The following ZNF814 variants were observed in gnomAD, a reference collection of about 807,000 sequenced individuals.
ZNF814 encodes the protein zinc finger protein 814.
Under a neutral mutation model 7.5 loss-of-function variants are expected in ZNF814, and 5 were observed. That is an observed-to-expected ratio of 0.67 (90% CI 0.35 to 1.40). The LOEUF (loss-of-function observed/expected upper bound fraction) is 1.40, where lower values mean the gene tolerates loss of function less well. Among genes scored for constraint, ZNF814 ranks in the 40% most tolerant of loss-of-function variants. ZNF814 has a pLI of 0.04. For missense variants in ZNF814, 962 were observed against 1,018.0 expected (o/e 0.94, Z 0.75); for synonymous variants, 315 against 340.7 (o/e 0.92, Z 0.83).
At chr19:57,895,965 G>C in the ZNF814 span, among the ~76,000 whole-genome samples, 14 of 152,266 alleles carry the variant, frequency 9.2e-5, 1 homozygote, top group Middle Eastern at 0.01. Context: ...GGAGGAATGC[G>C]TCCACCCTAG....
intron 1 of ZNF814, among the ~76,000 whole-genome samples, chr19:57,877,721 A>G (rs2071617579): frequency 1.3e-5 from 2 of 152,152 alleles, no homozygotes; most frequent in Admixed American, 1.3e-4. Context: ...AACTACAGGC[A>G]TGAGGCACCG....
Position 57,875,051 on chromosome 19 carries a change from T to C in ZNF814, c.339A>G (p.Thr113=). Residue 113 remains threonine, a synonymous_variant, in exon 3 of 3, where the codon ACA becomes ACG. Transcript: ENST00000435989. ...DILHVADHQG[T]HHKQKLHRCE... is the part of the protein sequence containing the mutation. ...ACCTGTGCAGTTTCTGCTTGTGATGTGTTCCCTGATGATCTGCCACATGCA... is the reference window on the plus strand; with the variant it reads ...ACCTGTGCAGTTTCTGCTTGTGATGCGTTCCCTGATGATCTGCCACATGCA... The C allele has an allele frequency of 6.3e-7, 1 of 1,596,908 alleles. No homozygotes were observed. The highest frequency in any genetic ancestry group is 8.6e-7 in the Non-Finnish European group (1 of 1,168,620).
At chr19:57,900,895 T>G in the ZNF814 span, among the ~76,000 whole-genome samples, 4 of 126,440 alleles carry the variant, frequency 3.2e-5, no homozygotes, top group Admixed American at 9.2e-5. Flanking sequence ...TCGCCCAGGC[T>G]GGAGTGCAGT....
chr19:57,871,880 T>C lies in ZNF814; in HGVS notation c.*942A>G, dbSNP rs1338979439. Among the ~76,000 whole-genome samples, 1 of 143,138 alleles carries C rather than the reference T, an allele frequency of 7.0e-6. No homozygotes were observed. The highest frequency in any genetic ancestry group is 1.5e-5 in the Non-Finnish European group (1 of 66,074). 93.9% of individuals were successfully genotyped at this position (143,138 alleles called of 152,430 possible). ...ATCCCAGCATGTTTGGAGGCCAAGG[T>C]GGAAGGATCGCTTGAGCCAGGAGTT... On this transcript the variant is annotated 3_prime_UTR_variant, in exon 3 of 3. Coordinates refer to ENST00000435989, the MANE Select transcript of ZNF814 (RefSeq NM_001144989.2).
upstream of ZNF814, among the ~76,000 whole-genome samples, chr19:57,891,945 G>A (rs776796800): frequency 3.3e-5 from 5 of 152,084 alleles, no homozygotes; most frequent in South Asian, 2.1e-4. Flanking sequence ...GTATAAACAC[G>A]GTTTCACTAT....
the ZNF814 span, among the ~76,000 whole-genome samples, chr19:57,902,189 TAG>T: frequency 6.6e-6 from 1 of 152,066 alleles, no homozygotes; most frequent in Non-Finnish European, 1.5e-5. Context: ...GTAAACAAAA[TAG>T]AGTTTGGTTT....
the ZNF814 span, among the ~76,000 whole-genome samples, chr19:57,894,380 A>G: frequency 6.7e-6 from 1 of 150,372 alleles, no homozygotes; most frequent in Non-Finnish European, 1.5e-5. Context: ...AAAAAAAAAG[A>G]AGCCGATTTG....
At chr19:57,902,733 C>T in the ZNF814 span, among the ~76,000 whole-genome samples, 1 of 151,640 alleles carries the variant, frequency 6.6e-6, no homozygotes, top group Non-Finnish European at 1.5e-5. Context: ...TGATCTAGGC[C>T]CACTGCACGC....
the ZNF814 span, among the ~76,000 whole-genome samples, chr19:57,897,073 C>G: frequency 2.6e-5 from 4 of 152,152 alleles, no homozygotes; most frequent in African/African-American, 9.7e-5. Context: ...TTCTGTCTGA[C>G]AAGGACCTAA....
upstream of ZNF814, among the ~76,000 whole-genome samples, chr19:57,890,129 G>T (rs1168078277): frequency 6.6e-6 from 1 of 152,162 alleles, no homozygotes; most frequent in Non-Finnish European, 1.5e-5. Context: ...TTAATGCAAA[G>T]ATTAATAACC....
At chr19:57,899,220 C>A in the ZNF814 span, among the ~76,000 whole-genome samples, 4,177 of 152,250 alleles carry the variant, frequency 0.027, 183 homozygotes, top group African/African-American at 0.096. Flanking sequence ...AGTAGTCCAA[C>A]TATTTGTCAA....
chr19:57,872,631 G>T lies in ZNF814; in HGVS notation c.*191C>A. 1 of 1,428,068 alleles carries T rather than the reference G, an allele frequency of 7.0e-7. No homozygotes were observed. Among genetic ancestry groups the T allele is most frequent in the Non-Finnish European group, 9.7e-7 (1 of 1,035,588 alleles). The allele number at this position is 1,428,068 out of a possible 1,614,324, so 88.5% of individuals were successfully genotyped here. On this transcript the variant is annotated 3_prime_UTR_variant, in exon 3 of 3. Transcript: ENST00000435989. ...TAATGAGACTGAAAGTTTCAGCAAA[G>T]GATTTCCCACATTCACTGCACTCAT...
At chr19:57,878,233 G>A (rs569380704) in intron 1 of ZNF814, among the ~76,000 whole-genome samples, 6 of 150,516 alleles carry the variant, frequency 4.0e-5, no homozygotes, top group East Asian at 3.9e-4. Context: ...ACTCACCACA[G>A]AGAGCCACAT....
the ZNF814 span, among the ~76,000 whole-genome samples, chr19:57,903,849 G>A: frequency 6.6e-6 from 1 of 152,094 alleles, no homozygotes; most frequent in Admixed American, 6.5e-5. Context: ...GACAAAAAAG[G>A]GAGACATGTT....
upstream of ZNF814, among the ~76,000 whole-genome samples, chr19:57,893,919 CAA>C (rs752032106): frequency 8.6e-5 from 11 of 127,636 alleles, no homozygotes; most frequent in Admixed American, 1.6e-4. Flanking sequence ...GACCCCATCT[CAA>C]AAAAAAAAAA....
intron 1 of ZNF814, among the ~76,000 whole-genome samples, chr19:57,886,583 C>CAA (rs149803292): frequency 2.5e-4 from 36 of 146,870 alleles, no homozygotes; most frequent in African/African-American, 8.9e-4. Flanking sequence ...GTTTAATAAA[C>CAA]AAAAAAAAAA....
At chr19:57,877,079 C>T (rs774074556) in intron 1 of ZNF814, 37 bp from the exon 2 acceptor site, 16 of 1,610,718 alleles carry the variant, frequency 9.9e-6, no homozygotes, top group Non-Finnish European at 1.4e-5. Flanking sequence ...ACAAACTGCC[C>T]CTATGCTGAG....
chr19:57,898,075 A>C, the ZNF814 span, among the ~76,000 whole-genome samples: 1 of 152,190 alleles, frequency 6.6e-6, no homozygotes, highest in Non-Finnish European at 1.5e-5. Context: ...TAGATACTGG[A>C]GCTGATGTTT....
Position 57,871,726 on chromosome 19 carries a change from TATC to T in ZNF814, c.*1093_*1095del, listed in dbSNP as rs2071558361. On this transcript the variant is annotated 3_prime_UTR_variant, in exon 3 of 3. Coordinates refer to ENST00000435989, the MANE Select transcript of ZNF814 (RefSeq NM_001144989.2). ...AATGGGTAACGTCCATGGCATGACT[TATC>T]AGACAGAAAAAAATGACAAAGGAAG... 1 of 150,650 alleles carries T rather than the reference TATC, an allele frequency of 6.6e-6. No individual in the cohort carries two copies. Among genetic ancestry groups the T allele is most frequent in the Admixed American group, 6.7e-5 (1 of 15,006 alleles). The allele number at this position is 150,650 out of a possible 1,614,324, so 9.3% of individuals were successfully genotyped here. A position where few individuals can be genotyped will look rare whatever the true frequency, so the allele number is the denominator to read the frequency against.
Sources: allele counts gnomAD v4.1 joint callset (sites outside exome capture counted in the v4.1 genomes callset), GRCh38; gene constraint gnomAD v4.1.1; transcripts MANE v1.5; gene names NCBI Gene and HGNC (gene_info 2026-07-23, HGNC 2026-07-21).